Variants in DCT observed in about 807,000 individuals in gnomAD.
The protein encoded by DCT is dopachrome tautomerase.
Under a neutral mutation model 53.0 loss-of-function variants are expected in DCT, and 47 were observed. The ratio of observed to expected loss-of-function variants is 0.89; its 90% CI spans 0.70 to 1.13. The LOEUF (loss-of-function observed/expected upper bound fraction) is 1.13, where lower values mean the gene tolerates loss of function less well. Ranked by LOEUF, DCT falls within the 50% of genes most tolerant of loss-of-function variation. The probability of loss-of-function intolerance (pLI) is 0.00; values close to 1 mark genes in which losing one functional copy is unlikely to be tolerated. For missense variants in DCT, 669 were observed against 637.4 expected, an observed-to-expected ratio of 1.05 and a Z score of -0.53; for synonymous variants, 244 against 237.0, an observed-to-expected ratio of 1.03 and a Z score of -0.27.
At chr13:94,465,204 T>C (rs901870938) in intron 4 of DCT, among the ~76,000 whole-genome samples, 2 of 152,242 alleles carry the variant, frequency 1.3e-5, no homozygotes, top group African/African-American at 2.4e-5. Flanking sequence ...AGGGAGGTTT[T>C]ATTTCATTCA....
At chr13:94,494,576 C>T in the DCT span, among the ~76,000 whole-genome samples, 1 of 152,098 alleles carries the variant, frequency 6.6e-6, no homozygotes, top group Non-Finnish European at 1.5e-5. Flanking sequence ...TTGTTTAACC[C>T]TTTACTCGCT....
chr13:94,466,014 AT>A lies in DCT; in HGVS notation c.697-216del, dbSNP rs1325609395. The stretch of plus-strand genomic sequence containing the variant: ...TATATATATATATATATATATATAT[AT>A]ATATATATACTGTGTACAATGGAGT... On this transcript the variant is annotated intron_variant, in intron 3 of 7. Coordinates refer to ENST00000377028, the MANE Select transcript of DCT (RefSeq NM_001922.5). Among the ~76,000 whole-genome samples, 321 of 93,440 alleles carry A rather than the reference AT, an allele frequency of 3.4e-3. 3 individuals are homozygous for A. The highest frequency in any genetic ancestry group is 9.4e-3 in the South Asian group (22 of 2,342). 61.3% of individuals were successfully genotyped at this position (93,440 alleles called of 152,430 possible). A position where few individuals can be genotyped will look rare whatever the true frequency, so the allele number is the denominator to read the frequency against.
At chr13:94,465,456 T>A (rs1884109960) in intron 4 of DCT, 177 bp downstream of exon 4, 2 of 431,756 alleles carry the variant, frequency 4.6e-6, no homozygotes, top group Non-Finnish European at 7.9e-6. Flanking sequence ...ATTTTTTTTT[T>A]AATTAAAGAG....
At chr13:94,493,672 A>T in the DCT span, among the ~76,000 whole-genome samples, 1 of 152,240 alleles carries the variant, frequency 6.6e-6, no homozygotes, top group Non-Finnish European at 1.5e-5. Context: ...TTCCAACTAC[A>T]CAATATCCTG....
intron 1 of DCT, among the ~76,000 whole-genome samples, chr13:94,477,335 G>A (rs1253610374): frequency 6.6e-6 from 1 of 152,032 alleles, no homozygotes; most frequent in Non-Finnish European, 1.5e-5. Flanking sequence ...ACCTCAAAGT[G>A]ACCCACCCAC....
the DCT span, among the ~76,000 whole-genome samples, chr13:94,532,409 G>C: frequency 3.9e-5 from 6 of 152,160 alleles, no homozygotes; most frequent in Non-Finnish European, 7.3e-5. Flanking sequence ...ATGATAGACT[G>C]GATTAAGAAA....
At chr13:94,455,553 A>G (rs1317945715) in intron 6 of DCT, among the ~76,000 whole-genome samples, 1 of 152,152 alleles carries the variant, frequency 6.6e-6, no homozygotes, top group African/African-American at 2.4e-5. Context: ...CACCACATTC[A>G]TTTGTTTATG....
chr13:94,498,199 T>C, the DCT span, among the ~76,000 whole-genome samples: 1 of 152,210 alleles, frequency 6.6e-6, no homozygotes, highest in African/African-American at 2.4e-5. Flanking sequence ...TGAAGCCCCC[T>C]GGCTACTCCA....
intron 7 of DCT, among the ~76,000 whole-genome samples, chr13:94,441,004 T>C (rs1205359249): frequency 2.0e-5 from 3 of 152,190 alleles, no homozygotes; most frequent in Non-Finnish European, 4.4e-5. Flanking sequence ...AATATACATA[T>C]GCCTATTTTT....
the DCT span, among the ~76,000 whole-genome samples, chr13:94,486,571 C>T: frequency 5.3e-5 from 8 of 152,158 alleles, no homozygotes; most frequent in Admixed American, 1.3e-4. Context: ...TTTTTAATAT[C>T]ATCAAACACA....
the DCT span, among the ~76,000 whole-genome samples, chr13:94,502,803 G>A: frequency 3.3e-5 from 5 of 151,882 alleles, no homozygotes; most frequent in East Asian, 3.9e-4. Context: ...CACTCTCTCC[G>A]AAATCTGTAT....
intron 1 of DCT, among the ~76,000 whole-genome samples, chr13:94,472,697 T>G (rs1884827503): frequency 6.9e-6 from 1 of 144,026 alleles, no homozygotes; most frequent in African/African-American, 2.6e-5. Flanking sequence ...TTCTCCTGCC[T>G]CAGCCTCCCT....
the DCT span, among the ~76,000 whole-genome samples, chr13:94,547,984 A>AAAAAAAAAAAAAATATATATATATATAT: frequency 6.1e-5 from 4 of 65,818 alleles, no homozygotes; most frequent in African/African-American, 1.3e-4. Flanking sequence ...AAAAAAAAAA[A>AAAAAAAAAAAAAATATATATATATATAT]ATATATATAT....
At chr13:94,545,175 C>A in the DCT span, among the ~76,000 whole-genome samples, 1 of 151,956 alleles carries the variant, frequency 6.6e-6, no homozygotes, top group Non-Finnish European at 1.5e-5. Context: ...GAGCACATCA[C>A]GCTTCAGATG....
chr13:94,440,266 T>A (rs952854646), intron 7 of DCT, among the ~76,000 whole-genome samples, 190 bp from the exon 8 acceptor site: 4 of 152,232 alleles, frequency 2.6e-5, no homozygotes, highest in Admixed American at 6.5e-5. Flanking sequence ...CTTGGGGTAG[T>A]CAGAACTGGC....
chr13:94,508,914 C>A, the DCT span, among the ~76,000 whole-genome samples: 1 of 152,144 alleles, frequency 6.6e-6, no homozygotes, highest in Non-Finnish European at 1.5e-5. Context: ...TTAAATTAAA[C>A]GACTTTGAAA....
chr13:94,452,650 G>T (rs192427783), intron 6 of DCT: 2 of 762,056 alleles, frequency 2.6e-6, no homozygotes, highest in South Asian at 2.9e-5. Context: ...TAAAGCAAAC[G>T]ATTAGAAATC....
the DCT span, among the ~76,000 whole-genome samples, chr13:94,512,122 T>C: frequency 6.6e-6 from 1 of 152,170 alleles, no homozygotes; most frequent in Non-Finnish European, 1.5e-5. Context: ...CCCTAGTGCC[T>C]CACCCAGTAC....
the DCT span, among the ~76,000 whole-genome samples, chr13:94,502,818 A>G: frequency 4.5e-4 from 69 of 152,220 alleles, no homozygotes; most frequent in Middle Eastern, 3.4e-3. Flanking sequence ...CTGTATCTCC[A>G]GACCACATCT....
Sources: allele counts gnomAD v4.1 joint callset (sites outside exome capture counted in the v4.1 genomes callset), GRCh38; gene constraint gnomAD v4.1.1; transcripts MANE v1.5; gene names NCBI Gene and HGNC (gene_info 2026-07-23, HGNC 2026-07-21).